NFIB: variants seen among roughly 807,000 people sequenced by gnomAD.
The protein encoded by NFIB is nuclear factor I B, also known as nuclear factor 1 B-type.
NFIB carries 11 observed loss-of-function variants against 61.5 expected under a neutral mutation model. The observed-to-expected ratio is 0.18, with a 90% CI of 0.11 to 0.30. The LOEUF (loss-of-function observed/expected upper bound fraction) is 0.30, where lower values mean the gene tolerates loss of function less well. Among genes scored for constraint, NFIB ranks in the 10% least tolerant of loss-of-function variants. The pLI is 1.00. For missense variants in NFIB, 471 were observed against 608.9 expected (o/e 0.77, Z 2.38); for synonymous variants, 260 against 216.5 (o/e 1.20, Z -1.76).
At chr9:14,244,317 T>C (rs929142429) in intron 2 of NFIB, among the ~76,000 whole-genome samples, 1 of 152,246 alleles carries the variant, frequency 6.6e-6, no homozygotes, top group Non-Finnish European at 1.5e-5. Flanking sequence ...GGTTTTTAAA[T>C]GACCTTATAG....
chr9:14,343,566 G>T (rs545390998), intron 1 of NFIB, among the ~76,000 whole-genome samples: 3 of 152,208 alleles, frequency 2.0e-5, no homozygotes, highest in Non-Finnish European at 4.4e-5. Flanking sequence ...GCTGGCTGCA[G>T]TCTGGATTCT....
the NFIB span, among the ~76,000 whole-genome samples, chr9:14,448,707 T>TA: frequency 6.6e-6 from 1 of 152,052 alleles, no homozygotes; most frequent in Admixed American, 6.5e-5. Context: ...AAATAAGAAA[T>TA]AGAGTGGGAG....
At chr9:14,431,375 T>C in the NFIB span, among the ~76,000 whole-genome samples, 1 of 152,162 alleles carries the variant, frequency 6.6e-6, no homozygotes, top group Middle Eastern at 3.2e-3. Context: ...AAAAAACTTC[T>C]GAAGTCAATG....
chr9:14,202,582 A>T (rs2049164652), intron 2 of NFIB, among the ~76,000 whole-genome samples: 1 of 152,164 alleles, frequency 6.6e-6, no homozygotes, highest in Admixed American at 6.5e-5. Flanking sequence ...CTCAAGAAAA[A>T]ACAAAAGCTA....
intron 3 of NFIB, among the ~76,000 whole-genome samples, chr9:14,167,786 A>C (rs968800047): frequency 6.6e-6 from 1 of 152,176 alleles, no homozygotes; most frequent in Non-Finnish European, 1.5e-5. Context: ...AGCTTCTAGA[A>C]TGTTATCTTA....
At chr9:14,116,834 T>A (rs991134045) in intron 8 of NFIB, among the ~76,000 whole-genome samples, 4 of 152,146 alleles carry the variant, frequency 2.6e-5, no homozygotes, top group African/African-American at 7.2e-5. Flanking sequence ...ATCTAGGAGA[T>A]CAAATACAAC....
the NFIB span, among the ~76,000 whole-genome samples, chr9:14,418,577 C>T: frequency 3.3e-5 from 5 of 152,306 alleles, no homozygotes; most frequent in African/African-American, 1.2e-4. Context: ...ATCCTACCAG[C>T]TGCAGAGTCT....
Position 14,333,991 on chromosome 9 carries a change from A to G in NFIB, c.109-26471T>C, listed in dbSNP as rs560471579. 1.4e-4 allele frequency among the ~76,000 whole-genome samples: 22 copies of G among 152,342 alleles called. No homozygotes were observed. The South Asian group carries it at 4.6e-3, about 32-fold the overall frequency. On this transcript the variant is annotated intron_variant, in intron 1 of 8. Coordinates refer to the NFIB transcript ENST00000380934. ...CAATATTTACTGTTATGTCTGAATT[A>G]TTTCGTTCAGCCTTTCATGTGACAT...
chr9:14,416,807 C>CCTCA, the NFIB span, among the ~76,000 whole-genome samples: 2 of 151,964 alleles, frequency 1.3e-5, no homozygotes, highest in East Asian at 3.9e-4. Flanking sequence ...TTCACTCACC[C>CCTCA]CTCACTCACT....
At chr9:14,096,539 A>C (rs1197252832) in intron 10 of NFIB, 2 of 152,132 alleles carry the variant, frequency 1.3e-5, no homozygotes, top group African/African-American at 4.8e-5. Flanking sequence ...TTCTCCCATA[A>C]AGGTTAACTT....
At chr9:14,241,324 T>A (rs1455410329) in intron 2 of NFIB, among the ~76,000 whole-genome samples, 1 of 152,168 alleles carries the variant, frequency 6.6e-6, no homozygotes, top group African/African-American at 2.4e-5. Context: ...TCAACATCCA[T>A]ATCTACCTGT....
At chr9:14,108,261 T>C (rs2036855036) in intron 10 of NFIB, among the ~76,000 whole-genome samples, 1 of 152,110 alleles carries the variant, frequency 6.6e-6, no homozygotes, top group African/African-American at 2.4e-5. Flanking sequence ...CTGACTGTAT[T>C]GAAAAGTTTG....
the NFIB span, among the ~76,000 whole-genome samples, chr9:14,485,860 G>A: frequency 6.6e-6 from 1 of 151,896 alleles, no homozygotes; most frequent in South Asian, 2.1e-4. Flanking sequence ...GGGTGACAGA[G>A]TGAGACTCTG....
At chr9:14,342,423 AGAAGGAAGGAAG>A (rs563853168) in intron 1 of NFIB, among the ~76,000 whole-genome samples, 15 of 151,874 alleles carry the variant, frequency 9.9e-5, no homozygotes, top group African/African-American at 3.4e-4. Flanking sequence ...CAGTGAAATG[AGAAGGAAGGAAG>A]GAAGGAAGGA....
chr9:14,242,090 G>C (rs1441373034), intron 2 of NFIB, among the ~76,000 whole-genome samples: 1 of 152,120 alleles, frequency 6.6e-6, no homozygotes, highest in Admixed American at 6.6e-5. Flanking sequence ...GAGTCCACAT[G>C]TCTATCAGAT....
rs577154351 is a variant in NFIB at position 14,357,624 on chromosome 9, C to T, written c.108+40900G>A. The T allele has an allele frequency of 1.6e-4, 24 of 152,286 alleles. 1 individual carries two copies. In the East Asian group the frequency reaches 4.6e-3, roughly 29 times the overall value. 9.4% of individuals were successfully genotyped at this position (152,286 alleles called of 1,614,324 possible). ...TCCTTAATCATGTGGAAAATAAGAA[C>T]ACTTACTAAAGAGACCATTGGTTTA... On this transcript the variant is annotated intron_variant, in intron 1 of 8. Coordinates refer to the NFIB transcript ENST00000380934.
chr9:14,236,418 T>C (rs771506972), intron 2 of NFIB, among the ~76,000 whole-genome samples: 2 of 152,216 alleles, frequency 1.3e-5, no homozygotes, highest in Admixed American at 1.3e-4. Flanking sequence ...TGCTTATGTT[T>C]GTAATTACCA....
At chr9:14,521,656 C>T in the NFIB span, among the ~76,000 whole-genome samples, 1 of 152,126 alleles carries the variant, frequency 6.6e-6, no homozygotes, top group Non-Finnish European at 1.5e-5. Context: ...TTAATACATG[C>T]AATTTGTTCA....
Position 14,087,598 on chromosome 9 carries a change from C to CT in NFIB, c.*710dup. 4.7e-6 allele frequency: 1 copy of CT among 212,596 alleles called. No individual in the cohort carries two copies. Among genetic ancestry groups the CT allele is most frequent in the East Asian group, 6.6e-5 (1 of 15,080 alleles). The allele number at this position is 212,596 out of a possible 1,614,324, so 13.2% of individuals were successfully genotyped here. On this transcript the variant is annotated 3_prime_UTR_variant, in exon 11 of 11. Transcript: ENST00000380953. Reference sequence around the variant, plus strand: ...TTTTTTCCTTTTTTTTTCATTTTTTCTTTTTTTAAGATTTCAAACTGGGTT... The same window carrying CT: ...TTTTTTCCTTTTTTTTTCATTTTTTCTTTTTTTTAAGATTTCAAACTGGGTT...
Sources: gnomAD v4.1 joint callset for allele counts (sites outside exome capture counted in the v4.1 genomes callset) on GRCh38, gnomAD v4.1.1 for gene constraint, MANE v1.5 for transcripts, NCBI Gene and HGNC (gene_info 2026-07-23, HGNC 2026-07-21) for gene names.